Variants in PEX5 observed in about 807,000 individuals in gnomAD.
PEX5 encodes peroxisomal biogenesis factor 5, also known as PTS1 receptor.
In PEX5, 52 loss-of-function variants were observed where a neutral mutation model predicts 82.9. The ratio of observed to expected loss-of-function variants is 0.63; its 90% CI spans 0.50 to 0.79. The LOEUF (loss-of-function observed/expected upper bound fraction) is 0.79. Ranked by LOEUF, PEX5 falls within the 30% of genes least tolerant of loss-of-function variation. The pLI, the probability that PEX5 is intolerant of heterozygous loss-of-function variation, is 0.00. For synonymous variants in PEX5, 300 were observed against 318.8 expected, an observed-to-expected ratio of 0.94 and a Z score of 0.63; for missense variants, 719 against 815.2, an observed-to-expected ratio of 0.88 and a Z score of 1.44.
In PEX5 at chr12:7,210,172, C is replaced by G; in HGVS notation, c.1869C>G (p.Ala623=). 6.2e-7 allele frequency: 1 copy of G among 1,614,184 alleles called. No individual in the cohort carries two copies. Among genetic ancestry groups the G allele is most frequent in the Non-Finnish European group, 8.5e-7 (1 of 1,180,022 alleles). The change falls in exon 16 of 16, where the codon GCC becomes GCG. Residue 623 remains alanine, a synonymous_variant. Coordinates refer to ENST00000675855, the MANE Select transcript of PEX5 (RefSeq NM_001351132.2). ...GCCAGAGCGATGCCTATGGGGCAGC[C>G]GACGCGCGGGATCTGTCCACCCTCC... ...MLGQSDAYGA[A]DARDLSTLLT...
chr12:7,212,481 A>G (rs1448141724), downstream of PEX5, among the ~76,000 whole-genome samples: 1 of 65,608 alleles, frequency 1.5e-5, no homozygotes, highest in Non-Finnish European at 3.6e-5. Context: ...AAAAAAAAAA[A>G]AAAAAAACCC....
Position 7,202,598 on chromosome 12 carries a change from C to CT in PEX5, c.754-8dup, listed in dbSNP as rs1252837279. 1 of 1,611,388 alleles carries CT rather than the reference C, an allele frequency of 6.2e-7. No homozygotes were observed. The highest frequency in any genetic ancestry group is 8.5e-7 in the Non-Finnish European group (1 of 1,177,700). On this transcript the variant is annotated splice_polypyrimidine_tract_variant and intron_variant, in intron 8 of 15. Coordinates refer to ENST00000675855, the MANE Select transcript of PEX5 (RefSeq NM_001351132.2). ...GTTGGTGGTAGTGGTACTGACCATC[C>CT]TTTTTTGTCGCAGGGTACATCAGAT...
chr12:7,213,334 A>G (rs1426727220), downstream of PEX5, among the ~76,000 whole-genome samples: 3 of 152,040 alleles, frequency 2.0e-5, no homozygotes, highest in Non-Finnish European at 4.4e-5. Context: ...AAACTATACT[A>G]CAAGGCTACA....
At chr12:7,196,478 C>T (rs186324231) in intron 5 of PEX5, among the ~76,000 whole-genome samples, 5 of 101,716 alleles carry the variant, frequency 4.9e-5, no homozygotes, top group East Asian at 2.5e-4. Context: ...GTAATAATTA[C>T]ATCATATATA....
intron 1 of PEX5, 25 bp downstream of exon 1, chr12:7,189,775 C>T (rs1940580206): frequency 1.7e-6 from 1 of 575,758 alleles, no homozygotes; most frequent in Non-Finnish European, 2.6e-6. Flanking sequence ...CCGAGGGGGC[C>T]CGGGGCCGCG....
chr12:7,211,864 G>A (rs1000935081), downstream of PEX5, among the ~76,000 whole-genome samples: 2 of 151,882 alleles, frequency 1.3e-5, no homozygotes, highest in African/African-American at 4.8e-5. Context: ...ATATCAAGAT[G>A]GGTATTTATC....
intron 3 of PEX5, 45 bp downstream of exon 3, chr12:7,190,968 C>T (rs2135891591): frequency 1.3e-6 from 2 of 1,573,390 alleles, no homozygotes; most frequent in Non-Finnish European, 1.7e-6. Flanking sequence ...CTCTTGCCCA[C>T]TGTGTTTTTA....
chr12:7,214,326 C>T (rs1447651789), downstream of PEX5, among the ~76,000 whole-genome samples: 3 of 151,912 alleles, frequency 2.0e-5, no homozygotes, highest in Non-Finnish European at 2.9e-5. Context: ...ACCCAAATGT[C>T]CAACAACGAT....
chr12:7,212,466 A>G (rs1286972656), downstream of PEX5, among the ~76,000 whole-genome samples: 2 of 13,742 alleles, frequency 1.5e-4, no homozygotes, highest in African/African-American at 3.5e-4. Flanking sequence ...AGCTGCCAGA[A>G]AAAAAAAAAA....
At chr12:7,206,200 T>C (rs1944748598) in intron 10 of PEX5, among the ~76,000 whole-genome samples, 1 of 152,252 alleles carries the variant, frequency 6.6e-6, no homozygotes, top group South Asian at 2.1e-4. Context: ...ATCTTTATGT[T>C]TTTAGTGATC....
Position 7,210,452 on chromosome 12 carries a change from A to G in PEX5, c.*229A>G, listed in dbSNP as rs1460383801. Reference sequence around the variant, plus strand: ...AGTCCCTTGGTAATTCAAGGGCTGTACATCCAGCTACAGATCTCTCTGCTC... The same window carrying G: ...AGTCCCTTGGTAATTCAAGGGCTGTGCATCCAGCTACAGATCTCTCTGCTC... On this transcript the variant is annotated 3_prime_UTR_variant, in exon 16 of 16. Coordinates refer to ENST00000675855, the MANE Select transcript of PEX5 (RefSeq NM_001351132.2). The G allele has an allele frequency of 1.6e-6, 1 of 606,234 alleles. No individual in the cohort carries two copies. Among genetic ancestry groups the G allele is most frequent in the Non-Finnish European group, 3.0e-6 (1 of 336,648 alleles). 37.6% of individuals were successfully genotyped at this position (606,234 alleles called of 1,614,324 possible).
Position 7,209,030 on chromosome 12 carries a change from C to G in PEX5, c.1420C>G (p.Leu474Val). ...CTCCCTGTTTCTTGAAGTGAAAGAG[C>G]TCTTCCTGGCAGCTGTGCGGCTGGA... ...SDSLFLEVKELFLAAVRLDPT... is the reference protein window; with the variant it reads ...SDSLFLEVKEVFLAAVRLDPT... The change falls in exon 14 of 16, where the codon CTC becomes GTC. Residue 474 changes from leucine to valine, a missense_variant. Leu to Val is a conservative substitution (Grantham distance 32). Transcript: ENST00000675855. 1 of 1,614,120 alleles carries G rather than the reference C, an allele frequency of 6.2e-7. No individual in the cohort carries two copies. The highest frequency in any genetic ancestry group is 8.5e-7 in the Non-Finnish European group (1 of 1,180,016).
chr12:7,216,761 A>G (rs1247351358), intron 17 of PEX5, among the ~76,000 whole-genome samples: 1 of 152,194 alleles, frequency 6.6e-6, no homozygotes, highest in Non-Finnish European at 1.5e-5. Flanking sequence ...TTACGTGACT[A>G]TTAATCACTA....
At position 7,211,102 on chromosome 12, in the gene PEX5, TCAGAAAGTG is replaced by T. The variant is rs1164568642; in HGVS notation, c.*882_*890del. Reference sequence around the variant, plus strand: ...GAGCCAACTGTTATAGAAAATTGGTTCAGAAAGTGCAATCTTGCCAGATTTCTAGCAAAT... The same window carrying T: ...GAGCCAACTGTTATAGAAAATTGGTTCAATCTTGCCAGATTTCTAGCAAAT... On this transcript the variant is annotated 3_prime_UTR_variant, in exon 16 of 16. Coordinates refer to ENST00000675855, the MANE Select transcript of PEX5 (RefSeq NM_001351132.2). 2 of 152,764 alleles carry T rather than the reference TCAGAAAGTG, an allele frequency of 1.3e-5. No homozygotes were observed. The highest frequency in any genetic ancestry group is 2.4e-5 in the African/African-American group (1 of 41,468). The allele number at this position is 152,764 out of a possible 1,614,324, so 9.5% of individuals were successfully genotyped here. A position where few individuals can be genotyped will look rare whatever the true frequency, so the allele number is the denominator to read the frequency against.
At chr12:7,213,839 C>T (rs1445135257), downstream of PEX5, among the ~76,000 whole-genome samples, 26 of 150,576 alleles carry the variant, frequency 1.7e-4, no homozygotes, top group African/African-American at 4.9e-4. Flanking sequence ...TGACAAAGGG[C>T]TAATATCCAG....
rs558025485 is a variant in PEX5 at position 7,204,822 on chromosome 12, AT to A, written c.966+1282del. Among the ~76,000 whole-genome samples the A allele has an allele frequency of 6.0e-3, 884 of 147,962 alleles. 9 individuals carry two copies. Among genetic ancestry groups the A allele is most frequent in the African/African-American group, 0.017 (702 of 40,604 alleles). On this transcript the variant is annotated intron_variant, in intron 10 of 15. Transcript: ENST00000675855. ...ATTTATGACATGCTGGCCAGAATAC[AT>A]TTTTTTTTTTCAGACACATAGAACA...
chr12:7,203,347 C>A (rs1944378495), intron 9 of PEX5, 85 bp from the exon 10 acceptor site: 1 of 1,453,520 alleles, frequency 6.9e-7, no homozygotes, highest in Non-Finnish European at 9.3e-7. Context: ...AGAACTGCTG[C>A]CTTAGAGAAT....
intron 6 of PEX5, 52 bp from the exon 7 acceptor site, chr12:7,201,699 T>C (rs1944066855): frequency 8.0e-7 from 1 of 1,255,978 alleles, no homozygotes; most frequent in Non-Finnish European, 1.2e-6. Context: ...GGGAGTAGCA[T>C]GGGGAGGGTG....
At position 7,203,540 on chromosome 12, in the gene PEX5, A is replaced by G; in HGVS notation, c.955A>G (p.Thr319Ala). 1 of 1,613,828 alleles carries G rather than the reference A, an allele frequency of 6.2e-7. No individual in the cohort carries two copies. The highest frequency in any genetic ancestry group is 8.5e-7 in the Non-Finnish European group (1 of 1,179,930). The part of the protein sequence containing the change: ...LSDYDDLTSA[T>A]YDKGYQFEEE... ...TGACTATGATGACCTTACGTCAGCT[A>G]CCTATGATAAGGTGAGGTAAAAACT... Residue 319 changes from threonine (T) to alanine (A), a missense_variant, in exon 10 of 16, where the codon ACC becomes GCC. By Grantham distance (58) the Thr-to-Ala change is moderately conservative. Transcript: ENST00000675855.
Sources: gnomAD v4.1 joint callset for allele counts (sites outside exome capture counted in the v4.1 genomes callset) on GRCh38, gnomAD v4.1.1 for gene constraint, MANE v1.5 for transcripts, NCBI Gene and HGNC (gene_info 2026-07-23, HGNC 2026-07-21) for gene names.